Variants in HSD17B7 observed in about 807,000 individuals in gnomAD.
HSD17B7 encodes hydroxysteroid 17-beta dehydrogenase 7, also known as 3-keto-steroid reductase/17-beta-hydroxysteroid dehydrogenase 7.
HSD17B7 carries 17 observed loss-of-function variants against 34.1 expected under a neutral mutation model. The ratio of observed to expected loss-of-function variants is 0.50; its 90% confidence interval spans 0.34 to 0.75. HSD17B7 has a LOEUF of 0.75. HSD17B7 is among the 30% of genes least tolerant of loss of function. HSD17B7 has a pLI of 0.01. For synonymous variants in HSD17B7, 122 were observed against 154.6 expected, an observed-to-expected ratio of 0.79 and a Z score of 1.56; for missense variants, 296 against 406.6, an observed-to-expected ratio of 0.73 and a Z score of 2.34.
At chr1:162,804,072 G>C (rs1335833518) in intron 6 of HSD17B7, among the ~76,000 whole-genome samples, 195 bp from the exon 7 acceptor site, 2 of 152,188 alleles carry the variant, frequency 1.3e-5, no homozygotes, top group Non-Finnish European at 2.9e-5. Context: ...AAGTAAATAG[G>C]CCTTCATGTT....
rs1276589695 is a variant in HSD17B7, at chr1:162,810,318, T to C, written c.904-1980T>C. Among the ~76,000 whole-genome samples the C allele has an allele frequency of 2.0e-5, 3 of 152,198 alleles. No individual in the cohort carries two copies. In the East Asian group the frequency reaches 5.8e-4, roughly 29 times the overall value. On this transcript the variant is annotated intron_variant, in intron 8 of 8. Transcript: ENST00000254521. ...GATTGCACTGTGGTCTGAGAGACAGTTTGTTATAATTTCTGTTCTTCCACA... is the reference window on the plus strand; with the variant it reads ...GATTGCACTGTGGTCTGAGAGACAGCTTGTTATAATTTCTGTTCTTCCACA...
chr1:162,806,674 T>C (rs1407050620), intron 8 of HSD17B7, among the ~76,000 whole-genome samples: 3 of 152,256 alleles, frequency 2.0e-5, no homozygotes, highest in Admixed American at 1.3e-4. Flanking sequence ...GGGAATTCTA[T>C]TGTAAACTAA....
chr1:162,809,302 C>T (rs1330291419), intron 8 of HSD17B7, among the ~76,000 whole-genome samples: 1 of 152,214 alleles, frequency 6.6e-6, no homozygotes, highest in East Asian at 1.9e-4. Flanking sequence ...ATCAGCCTTG[C>T]ATCCCAGGGA....
chr1:162,793,022 G>T (rs1648467921), intron 2 of HSD17B7, 160 bp downstream of exon 2: 19 of 425,120 alleles, frequency 4.5e-5, no homozygotes, highest in South Asian at 1.2e-4. Context: ...TCAGTACCAC[G>T]TTTTCTTTCT....
At position 162,793,663 on chromosome 1, in the gene HSD17B7, C is replaced by T. The variant is rs1648495769; in HGVS notation, c.239+801C>T. ...GTACATCCTGATGTGTGATCAGTTG[C>T]ACTGCCTTACGTTAAGGTAACTCCT... On this transcript the variant is annotated intron_variant, in intron 2 of 8. Coordinates refer to ENST00000254521, the MANE Select transcript of HSD17B7 (RefSeq NM_016371.4). 2.0e-5 allele frequency among the ~76,000 whole-genome samples: 3 copies of T among 152,236 alleles called. No individual in the cohort carries two copies. In the South Asian group the frequency reaches 6.2e-4, roughly 32 times the overall value.
At chr1:162,808,782 T>G (rs888366898) in intron 8 of HSD17B7, among the ~76,000 whole-genome samples, 17 of 152,340 alleles carry the variant, frequency 1.1e-4, no homozygotes, top group African/African-American at 4.1e-4. Flanking sequence ...CTGTTATTGG[T>G]GTATAAGAAT....
Position 162,812,367 on chromosome 1 carries a change from G to A in HSD17B7, c.973G>A (p.Val325Ile), listed in dbSNP as rs878978992. The change falls in exon 9 of 9, where the codon GTC becomes ATC. Residue 325 changes from valine (V) to isoleucine (I), a missense_variant. Coordinates refer to ENST00000254521, the MANE Select transcript of HSD17B7 (RefSeq NM_016371.4). ...KLLELEKHIR[V>I]TIQKTDNQAR... ...ACTGGAACTGGAAAAGCACATTAGG[G>A]TCACTATTCAAAAAACAGATAATCA... 9 of 1,610,842 alleles carry A rather than the reference G, an allele frequency of 5.6e-6. No individual in the cohort carries two copies. In the African/African-American group the frequency reaches 1.2e-4, roughly 22 times the overall value.
At chr1:162,796,088 T>C (rs1364107686) in intron 2 of HSD17B7, among the ~76,000 whole-genome samples, 4 of 152,180 alleles carry the variant, frequency 2.6e-5, no homozygotes, top group East Asian at 1.9e-4. Flanking sequence ...TGTTTTATTA[T>C]ATATTTTGGC....
chr1:162,797,679 C>T, intron 3 of HSD17B7, 123 bp from the exon 4 acceptor site: 2 of 1,428,578 alleles, frequency 1.4e-6, no homozygotes. Context: ...TATTTTTATT[C>T]CTGTCATTAT....
chr1:162,804,384 A>G, intron 7 of HSD17B7, 61 bp downstream of exon 7: 1 of 1,019,580 alleles, frequency 9.8e-7, no homozygotes, highest in Non-Finnish European at 1.5e-6. Flanking sequence ...TTACAGGTTC[A>G]CTCGTAGTAG....
At chr1:162,802,527 A>G (rs559884160) in intron 5 of HSD17B7, among the ~76,000 whole-genome samples, 1 of 152,170 alleles carries the variant, frequency 6.6e-6, no homozygotes, top group Non-Finnish European at 1.5e-5. Flanking sequence ...CTGCAGTACC[A>G]AATAAAGGAT....
At chr1:162,796,973 C>G (rs1446790402) in intron 3 of HSD17B7, among the ~76,000 whole-genome samples, 1 of 152,114 alleles carries the variant, frequency 6.6e-6, no homozygotes, top group Non-Finnish European at 1.5e-5. Context: ...TGAAATTAGG[C>G]AGAGTTCTCA....
rs1271553061 is a variant in HSD17B7, at chr1:162,790,827, G to A, written c.27G>A (p.Gly9=). The A allele has an allele frequency of 2.5e-6, 4 of 1,613,778 alleles. No individual in the cohort carries two copies. Among genetic ancestry groups the A allele is most frequent in the East Asian group, 2.2e-5 (1 of 44,870 alleles). ...TGCGAAAGGTGGTTTTGATCACCGG[G>A]GCTAGCAGGTGAGGCCTCCTTTGGG... is the stretch of plus-strand genomic sequence containing the variant. MRKVVLIT[G]ASSGIGLALC... The change falls in exon 1 of 9, where the codon GGG becomes GGA. Residue 9 remains glycine (G), a synonymous_variant. Coordinates refer to ENST00000254521, the MANE Select transcript of HSD17B7 (RefSeq NM_016371.4).
At chr1:162,808,489 T>C (rs1235194903) in intron 8 of HSD17B7, among the ~76,000 whole-genome samples, 1 of 152,236 alleles carries the variant, frequency 6.6e-6, no homozygotes, top group Non-Finnish European at 1.5e-5. Flanking sequence ...AAGTAGTTTT[T>C]TCCAATTCTG....
At position 162,804,229 on chromosome 1, in the gene HSD17B7, A is replaced by G. The variant is rs774314116; in HGVS notation, c.748-38A>G. 3 of 1,553,514 alleles carry G rather than the reference A, an allele frequency of 1.9e-6. No homozygotes were observed. The South Asian group carries it at 3.5e-5, about 18-fold the overall frequency. ...AATAATTCTTTCGTGACTCTATTCTAAACCACCAAAAAATAACAGTTGTTT... is the reference window on the plus strand; with the variant it reads ...AATAATTCTTTCGTGACTCTATTCTGAACCACCAAAAAATAACAGTTGTTT... On this transcript the variant is annotated intron_variant, in intron 6 of 8. Coordinates refer to ENST00000254521, the MANE Select transcript of HSD17B7 (RefSeq NM_016371.4).
At chr1:162,802,359 C>T (rs1648841167) in intron 5 of HSD17B7, among the ~76,000 whole-genome samples, 1 of 152,186 alleles carries the variant, frequency 6.6e-6, no homozygotes, top group African/African-American at 2.4e-5. Context: ...AAGAACTTTT[C>T]CTTAGCTGTT....
At position 162,807,938 on chromosome 1, in the gene HSD17B7, G is replaced by A. The variant is rs377243718; in HGVS notation, c.903+2446G>A. 1.2e-4 allele frequency among the ~76,000 whole-genome samples: 19 copies of A among 152,242 alleles called. No homozygotes were observed. The East Asian group carries it at 3.3e-3, about 26-fold the overall frequency. On this transcript the variant is annotated intron_variant, in intron 8 of 8. Transcript: ENST00000254521. ...TGTAGGTTGCCTTCCTCTGATGGTA[G>A]TTTCTCTTGCTTTGCAGAAGCTCTT...
Position 162,812,308 on chromosome 1 carries a change from A to G in HSD17B7, c.914A>G (p.Asp305Gly), listed in dbSNP as rs754342101. 1 of 1,612,658 alleles carries G rather than the reference A, an allele frequency of 6.2e-7. No individual in the cohort carries two copies. Among genetic ancestry groups the G allele is most frequent in the Non-Finnish European group, 8.5e-7 (1 of 1,179,476 alleles). ...TTGCTTCTTTTCCAGATGGACCTAG[A>G]TGAAGACACTGCTGAAAAATTTTAT... Reference protein sequence around the residue: ...NYIMTQKMDLDEDTAEKFYQK... With the variant: ...NYIMTQKMDLGEDTAEKFYQK... The change falls in exon 9 of 9, where the codon GAT becomes GGT. Residue 305 changes from aspartate (D) to glycine (G), a missense_variant. Asp to Gly is a moderately conservative substitution (Grantham distance 94). Coordinates refer to ENST00000254521, the MANE Select transcript of HSD17B7 (RefSeq NM_016371.4).
chr1:162,812,282 T>A lies in HSD17B7; in HGVS notation c.904-16T>A. On this transcript the variant is annotated splice_polypyrimidine_tract_variant and intron_variant, in intron 8 of 8. Transcript: ENST00000254521. The stretch of plus-strand genomic sequence containing the variant: ...TTTTTCATTTCTAGACATCTCTATT[T>A]TTGCTTCTTTTCCAGATGGACCTAG... 1 of 1,611,504 alleles carries A rather than the reference T, an allele frequency of 6.2e-7. No homozygotes were observed. Among genetic ancestry groups the A allele is most frequent in the Non-Finnish European group, 8.5e-7 (1 of 1,179,042 alleles).
Sources: allele counts gnomAD v4.1 joint callset (sites outside exome capture counted in the v4.1 genomes callset), GRCh38; gene constraint gnomAD v4.1.1; transcripts MANE v1.5; gene names NCBI Gene and HGNC (gene_info 2026-07-23, HGNC 2026-07-21).